Variants in DDX21 observed in about 807,000 individuals in gnomAD.
DDX21 encodes the protein DExD-box helicase 21.
Under a neutral mutation model 90.0 loss-of-function variants are expected in DDX21, and 18 were observed. That is an observed-to-expected ratio of 0.20 (90% confidence interval 0.14 to 0.30). DDX21 has a LOEUF of 0.30. Among genes scored for constraint, DDX21 ranks in the 10% least tolerant of loss-of-function variants. The probability of loss-of-function intolerance (pLI) is 1.00; values close to 1 mark genes in which losing one functional copy is unlikely to be tolerated. For synonymous variants in DDX21, 294 were observed against 318.0 expected (o/e 0.92, Z 0.80); for missense variants, 673 against 944.5 (o/e 0.71, Z 3.77).
At chr10:68,972,947 G>A (rs769130300) in intron 9 of DDX21, among the ~76,000 whole-genome samples, 3 of 152,168 alleles carry the variant, frequency 2.0e-5, no homozygotes, top group Non-Finnish European at 2.9e-5. Flanking sequence ...CACCTTGGGC[G>A]GCTGAGGCAA....
chr10:68,970,172 AATAG>A (rs764623127), intron 7 of DDX21, 25 bp from the exon 8 acceptor site: 1 of 1,592,912 alleles, frequency 6.3e-7, no homozygotes, highest in African/African-American at 1.4e-5. Context: ...AGCTTTACTA[AATAG>A]ATGTTTTTTT....
chr10:68,982,953 C>T lies in DDX21; in HGVS notation c.*141C>T, dbSNP rs551950777. The stretch of plus-strand genomic sequence containing the variant: ...AGTCCCTGTCTCTTTCAGACACAGA[C>T]AAGCTTCATTTAAATTATTTCATCT... On this transcript the variant is annotated 3_prime_UTR_variant, in exon 15 of 15. Coordinates refer to ENST00000354185, the MANE Select transcript of DDX21 (RefSeq NM_004728.4). The T allele has an allele frequency of 1.2e-5, 12 of 1,006,260 alleles. No homozygotes were observed. In the South Asian group the frequency reaches 2.0e-4, roughly 17 times the overall value. The allele number at this position is 1,006,260 out of a possible 1,614,324, so 62.3% of individuals were successfully genotyped here.
rs1843220257 is a variant in DDX21, at chr10:68,983,197, C to T, written c.*385C>T. ...GAAATAAATACCTAAGGGAGTGTAA[C>T]AGTCTCTGGAGGACCACTTTGAGCC... On this transcript the variant is annotated 3_prime_UTR_variant, in exon 15 of 15. Coordinates refer to ENST00000354185, the MANE Select transcript of DDX21 (RefSeq NM_004728.4). 2 of 204,510 alleles carry T rather than the reference C, an allele frequency of 9.8e-6. No individual in the cohort carries two copies. Among genetic ancestry groups the T allele is most frequent in the Non-Finnish European group, 2.0e-5 (2 of 98,338 alleles). 12.7% of individuals were successfully genotyped at this position (204,510 alleles called of 1,614,324 possible).
chr10:68,973,290 A>G (rs1218769320), intron 9 of DDX21, among the ~76,000 whole-genome samples: 3 of 152,190 alleles, frequency 2.0e-5, no homozygotes, highest in Admixed American at 6.5e-5. Flanking sequence ...TGAAAATTGG[A>G]ATTACATATA....
intron 5 of DDX21, 38 bp downstream of exon 5, chr10:68,965,532 C>T: frequency 6.9e-7 from 1 of 1,458,124 alleles, no homozygotes; most frequent in Non-Finnish European, 9.6e-7. Flanking sequence ...TATAATGCCA[C>T]CCATTGTTGA....
intron 1 of DDX21, among the ~76,000 whole-genome samples, chr10:68,958,007 A>G (rs1422422429): frequency 6.6e-6 from 1 of 152,194 alleles, no homozygotes; most frequent in South Asian, 2.1e-4. Flanking sequence ...CACTCCTTCC[A>G]TATTCTTGTA....
intron 1 of DDX21, among the ~76,000 whole-genome samples, chr10:68,958,584 G>C (rs367890818): frequency 5.3e-5 from 8 of 151,998 alleles, no homozygotes; most frequent in Admixed American, 1.3e-4. Flanking sequence ...CTACAGGTGC[G>C]TGCCACCATG....
intron 11 of DDX21, among the ~76,000 whole-genome samples, chr10:68,977,218 A>G (rs1468116214): frequency 6.6e-6 from 1 of 152,230 alleles, no homozygotes; most frequent in Non-Finnish European, 1.5e-5. Context: ...TGTGGCTTAT[A>G]TAAGCAGCCC....
intron 4 of DDX21, among the ~76,000 whole-genome samples, chr10:68,964,593 G>A (rs959788464): frequency 1.0e-4 from 15 of 147,054 alleles, no homozygotes; most frequent in Admixed American, 2.1e-4. Context: ...AACTCCTGAC[G>A]TCAAGTGATC....
intron 1 of DDX21, among the ~76,000 whole-genome samples, chr10:68,959,280 G>A (rs569841325): frequency 3.5e-4 from 53 of 152,230 alleles, no homozygotes; most frequent in Admixed American, 7.9e-4. Flanking sequence ...GGTTGCCTGA[G>A]CTCAGGAGTT....
chr10:68,969,832 G>T (rs1472003806), intron 7 of DDX21, among the ~76,000 whole-genome samples: 1 of 152,116 alleles, frequency 6.6e-6, no homozygotes, highest in Non-Finnish European at 1.5e-5. Context: ...CTACAGATTG[G>T]GTTTTTAAGT....
At chr10:68,963,579 A>G in intron 4 of DDX21, 110 bp downstream of exon 4, 9 of 921,176 alleles carry the variant, frequency 9.8e-6, no homozygotes, top group Non-Finnish European at 1.4e-5. Flanking sequence ...CACCCATTCT[A>G]TTTACTGTGG....
chr10:68,965,950 TTTA>T (rs1842933213), intron 5 of DDX21, among the ~76,000 whole-genome samples: 1 of 151,966 alleles, frequency 6.6e-6, no homozygotes, highest in Non-Finnish European at 1.5e-5. Context: ...GCCTTGGAGC[TTTA>T]TTATTAGAGC....
At chr10:68,972,650 A>G (rs1364019441) in intron 9 of DDX21, among the ~76,000 whole-genome samples, 1 of 152,192 alleles carries the variant, frequency 6.6e-6, no homozygotes, top group Non-Finnish European at 1.5e-5. Context: ...TTAAAAAGGA[A>G]GTCCCATGAG....
At chr10:68,968,351 A>C (rs138646102) in intron 6 of DDX21, among the ~76,000 whole-genome samples, 193 of 152,174 alleles carry the variant, frequency 1.3e-3, no homozygotes, top group South Asian at 0.012. Flanking sequence ...ACAGGGTCTC[A>C]CTGTGTTGCC....
chr10:68,957,702 G>A (rs1000029965), intron 1 of DDX21, among the ~76,000 whole-genome samples: 1 of 152,200 alleles, frequency 6.6e-6, no homozygotes, highest in Middle Eastern at 3.2e-3. Context: ...AGTCTTATTT[G>A]GTGGAACCAA....
intron 4 of DDX21, chr10:68,963,983 C>G (rs1842905149): frequency 4.1e-6 from 1 of 246,508 alleles, no homozygotes; most frequent in South Asian, 3.9e-5. Context: ...GCGTGTAGTC[C>G]CAACTACTTG....
chr10:68,958,827 G>A (rs1462408757), intron 1 of DDX21, among the ~76,000 whole-genome samples: 1 of 152,094 alleles, frequency 6.6e-6, no homozygotes, highest in Non-Finnish European at 1.5e-5. Context: ...CTCCTGCCTT[G>A]GCCTCCCAGA....
chr10:68,982,947 C>A lies in DDX21; in HGVS notation c.*135C>A. The A allele has an allele frequency of 9.6e-7, 1 of 1,040,358 alleles. No homozygotes were observed. Among genetic ancestry groups the A allele is most frequent in the Non-Finnish European group, 1.4e-6 (1 of 726,690 alleles). The allele number at this position is 1,040,358 out of a possible 1,614,324, so 64.4% of individuals were successfully genotyped here. Reference sequence around the variant, plus strand: ...TTGCCAAGTCCCTGTCTCTTTCAGACACAGACAAGCTTCATTTAAATTATT... The same window carrying A: ...TTGCCAAGTCCCTGTCTCTTTCAGAAACAGACAAGCTTCATTTAAATTATT... On this transcript the variant is annotated 3_prime_UTR_variant, in exon 15 of 15. Transcript: ENST00000354185.
Sources: allele counts gnomAD v4.1 joint callset (sites outside exome capture counted in the v4.1 genomes callset), GRCh38; gene constraint gnomAD v4.1.1; transcripts MANE v1.5; gene names NCBI Gene and HGNC (gene_info 2026-07-23, HGNC 2026-07-21).